F13A1: variants seen among roughly 807,000 people sequenced by gnomAD.
F13A1 encodes the protein coagulation factor XIII A chain, also known as FSF, A subunit.
In F13A1, 47 loss-of-function variants were observed where a neutral mutation model predicts 80.1. The observed-to-expected ratio is 0.59, with a 90% CI of 0.46 to 0.75. The LOEUF (loss-of-function observed/expected upper bound fraction) is 0.75, where lower values mean the gene tolerates loss of function less well. Ranked by LOEUF, F13A1 falls within the 30% of genes least tolerant of loss-of-function variation. F13A1 has a pLI of 0.00. For missense variants in F13A1, 817 were observed against 930.4 expected (o/e 0.88, Z 1.59); for synonymous variants, 349 against 344.9 (o/e 1.01, Z -0.13).
At chr6:6,286,528 A>T (rs1016494420) in intron 3 of F13A1, among the ~76,000 whole-genome samples, 4 of 152,186 alleles carry the variant, frequency 2.6e-5, no homozygotes, top group African/African-American at 9.7e-5. Context: ...CCTGCTCTAA[A>T]ACTTGCCCCA....
chr6:6,233,957 TAAA>T (rs1757384265), intron 6 of F13A1, among the ~76,000 whole-genome samples: 1 of 152,084 alleles, frequency 6.6e-6, no homozygotes, highest in South Asian at 2.1e-4. Context: ...CTTAATGTAA[TAAA>T]AGCCATCTAT....
At chr6:6,300,545 G>C (rs1356347539) in intron 3 of F13A1, among the ~76,000 whole-genome samples, 2 of 152,180 alleles carry the variant, frequency 1.3e-5, no homozygotes, top group Non-Finnish European at 2.9e-5. Context: ...CTCGGAAAGG[G>C]AACTCCCTGA....
chr6:6,271,755 C>T (rs557975540), intron 3 of F13A1, among the ~76,000 whole-genome samples: 2 of 152,320 alleles, frequency 1.3e-5, no homozygotes, highest in South Asian at 4.1e-4. Context: ...AGTTTCAGTG[C>T]TTGCTTCCAT....
At chr6:6,219,939 C>T (rs1757167346) in intron 8 of F13A1, among the ~76,000 whole-genome samples, 1 of 152,134 alleles carries the variant, frequency 6.6e-6, no homozygotes, top group Non-Finnish European at 1.5e-5. Flanking sequence ...CATTAGGCAC[C>T]TGTTATGCTC....
intron 6 of F13A1, among the ~76,000 whole-genome samples, chr6:6,233,306 G>A (rs1017027349): frequency 1.3e-5 from 2 of 151,954 alleles, no homozygotes; most frequent in South Asian, 4.2e-4. Flanking sequence ...ATCATTCAAG[G>A]CTACTATGAA....
At chr6:6,167,692 C>T in intron 12 of F13A1, 74 bp from the exon 13 acceptor site, 2 of 1,538,424 alleles carry the variant, frequency 1.3e-6, no homozygotes, top group Non-Finnish European at 8.8e-7. Flanking sequence ...CTCCAAGTTT[C>T]CCTACCCCTC....
At chr6:6,263,927 G>T (rs1287132737) in intron 4 of F13A1, among the ~76,000 whole-genome samples, 1 of 152,056 alleles carries the variant, frequency 6.6e-6, no homozygotes, top group African/African-American at 2.4e-5. Flanking sequence ...CATCATCTTT[G>T]TCCTAGACCA....
intron 8 of F13A1, among the ~76,000 whole-genome samples, chr6:6,205,260 G>A (rs1415721059): frequency 2.0e-5 from 3 of 152,220 alleles, no homozygotes; most frequent in Non-Finnish European, 4.4e-5. Context: ...AGATGGCGGG[G>A]TGCACTTGGA....
At position 6,167,668 on chromosome 6, in the gene F13A1, T is replaced by A. The variant is rs750450399; in HGVS notation, c.1748-50A>T. Reference sequence around the variant, plus strand: ...CCTGGCATCAAGACTTGAGACAGGGTCTGCTTTACTTTTCTCCAAGTTTCC... The same window carrying A: ...CCTGGCATCAAGACTTGAGACAGGGACTGCTTTACTTTTCTCCAAGTTTCC... On this transcript the variant is annotated intron_variant, in intron 12 of 14. Transcript: ENST00000264870. The A allele has an allele frequency of 3.0e-5, 48 of 1,601,004 alleles. No homozygotes were observed. In the Admixed American group the frequency reaches 8.2e-4, roughly 27 times the overall value.
At chr6:6,296,816 T>G (rs1167440612) in intron 3 of F13A1, among the ~76,000 whole-genome samples, 1 of 147,440 alleles carries the variant, frequency 6.8e-6, no homozygotes, top group Non-Finnish European at 1.5e-5. Flanking sequence ...GGCATCCCTG[T>G]CTTGTGCCAG....
intron 3 of F13A1, among the ~76,000 whole-genome samples, chr6:6,296,474 T>C (rs796314807): frequency 0.042 from 6,100 of 146,366 alleles, 288 homozygotes; most frequent in African/African-American, 0.13. Context: ...CCCTTGTAAG[T>C]TGGATTCCTA....
At chr6:6,214,820 A>G (rs1192095174) in intron 8 of F13A1, among the ~76,000 whole-genome samples, 1 of 55,054 alleles carries the variant, frequency 1.8e-5, no homozygotes, top group African/African-American at 8.0e-5. Flanking sequence ...AGAATCAAAT[A>G]GACGCAATAA....
At chr6:6,289,597 C>G (rs2113154865) in intron 3 of F13A1, among the ~76,000 whole-genome samples, 1 of 152,252 alleles carries the variant, frequency 6.6e-6, no homozygotes, top group South Asian at 2.1e-4. Context: ...CCTTGAGTCT[C>G]TTACTAATGT....
intron 8 of F13A1, among the ~76,000 whole-genome samples, chr6:6,208,548 A>G (rs931544092): frequency 2.6e-5 from 4 of 152,184 alleles, no homozygotes; most frequent in African/African-American, 9.6e-5. Flanking sequence ...GTACATTGAA[A>G]AAGTTCAAAA....
rs534749700 is a variant in F13A1 at position 6,257,411 on chromosome 6, C to G, written c.572-6482G>C. 2.6e-5 allele frequency among the ~76,000 whole-genome samples: 4 copies of G among 152,174 alleles called. No individual in the cohort carries two copies. In the South Asian group the frequency reaches 8.3e-4, roughly 32 times the overall value. On this transcript the variant is annotated intron_variant, in intron 4 of 14. Coordinates refer to ENST00000264870, the MANE Select transcript of F13A1 (RefSeq NM_000129.4). Reference sequence around the variant, plus strand: ...TTCCTAAAATGGTTTCATATAGCCACTCCAGAGACGTTGCTTGCCTATCTA... The same window carrying G: ...TTCCTAAAATGGTTTCATATAGCCAGTCCAGAGACGTTGCTTGCCTATCTA...
chr6:6,189,714 T>G lies in F13A1; in HGVS notation c.1305+6083A>C, dbSNP rs376321410. Among the ~76,000 whole-genome samples, 115 of 146,798 alleles carry G rather than the reference T, an allele frequency of 7.8e-4. 1 individual carries two copies. The highest frequency in any genetic ancestry group is 4.2e-3 in the East Asian group (21 of 4,996). ...ACAATTATGTGTCTTGGAGTTGCTC[T>G]TCTCGAGGAGTATCTTTGTGGCGTT... On this transcript the variant is annotated intron_variant, in intron 10 of 14. Coordinates refer to ENST00000264870, the MANE Select transcript of F13A1 (RefSeq NM_000129.4).
chr6:6,201,028 T>G (rs1041966314), intron 8 of F13A1, among the ~76,000 whole-genome samples: 21 of 152,190 alleles, frequency 1.4e-4, no homozygotes, highest in African/African-American at 4.6e-4. Context: ...TTTGCAACCC[T>G]GAATGGACGC....
At chr6:6,148,095 G>C (rs1051255736) in intron 14 of F13A1, among the ~76,000 whole-genome samples, 6 of 152,268 alleles carry the variant, frequency 3.9e-5, no homozygotes, top group Admixed American at 3.9e-4. Context: ...ATCACAAAGT[G>C]GGGGAGTTTT....
At chr6:6,300,741 C>A (rs1298723430) in intron 3 of F13A1, among the ~76,000 whole-genome samples, 1 of 151,948 alleles carries the variant, frequency 6.6e-6, no homozygotes, top group East Asian at 1.9e-4. Context: ...CTGAGCTGTT[C>A]CTATTCGGCC....
Sources: gnomAD v4.1 joint callset for allele counts (sites outside exome capture counted in the v4.1 genomes callset) on GRCh38, gnomAD v4.1.1 for gene constraint, MANE v1.5 for transcripts, NCBI Gene and HGNC (gene_info 2026-07-23, HGNC 2026-07-21) for gene names.